The following M1AP variants were observed in gnomAD, a reference collection of about 807,000 sequenced individuals.
M1AP encodes meiosis 1 arrest protein.
A neutral mutation model predicts 51.2 loss-of-function variants in M1AP; 39 were observed. That is an observed-to-expected ratio of 0.76 (90% CI 0.59 to 1.00). M1AP has a LOEUF of 1.00. M1AP is among the 50% of genes least tolerant of loss of function. The pLI is 0.00. For synonymous variants in M1AP, 251 were observed against 249.2 expected (o/e 1.01, Z -0.07); for missense variants, 545 against 641.2 (o/e 0.85, Z 1.62).
chr2:74,561,121 GAGGAGA>G (rs1677924468), intron 8 of M1AP, among the ~76,000 whole-genome samples: 11 of 102,834 alleles, frequency 1.1e-4, no homozygotes, highest in African/African-American at 2.9e-4. Flanking sequence ...GAAGGAGGAG[GAGGAGA>G]AGGAGGAGGA....
chr2:74,558,965 C>G, intron 10 of M1AP, 91 bp from the exon 11 acceptor site: 1 of 1,276,816 alleles, frequency 7.8e-7, no homozygotes, highest in Non-Finnish European at 1.0e-6. Context: ...CTAACTCTTT[C>G]CTAAGTTCAT....
intron 2 of M1AP, among the ~76,000 whole-genome samples, chr2:74,635,792 T>C (rs1682959071): frequency 6.6e-6 from 1 of 152,250 alleles, no homozygotes; most frequent in East Asian, 1.9e-4. Context: ...AATTTTTCTG[T>C]TATGTTTCTG....
At chr2:74,618,968 A>G (rs746600819) in intron 2 of M1AP, 11 of 534,732 alleles carry the variant, frequency 2.1e-5, no homozygotes, top group African/African-American at 5.8e-5. Context: ...GTCTTCATCT[A>G]TAGCAGAACC....
In M1AP at chr2:74,591,520, G is replaced by A. The variant is rs187235395; in HGVS notation, c.596-9673C>T. Among the ~76,000 whole-genome samples, 6 of 152,294 alleles carry A rather than the reference G, an allele frequency of 3.9e-5. No individual in the cohort carries two copies. The East Asian group carries it at 9.6e-4, about 24-fold the overall frequency. On this transcript the variant is annotated intron_variant, in intron 4 of 10. Coordinates refer to ENST00000421985, the MANE Select transcript of M1AP (RefSeq NM_001321739.2). ...GAAATATTGTCATAGGCACTGTGGT[G>A]GGGGAGGGAGCAGGGGAATGGGTTA...
chr2:74,562,026 C>G, intron 8 of M1AP, 191 bp downstream of exon 8: 3 of 985,396 alleles, frequency 3.0e-6, no homozygotes, highest in Non-Finnish European at 3.6e-6. Flanking sequence ...ACTCCTTACC[C>G]TGCTGCCATA....
At chr2:74,641,068 T>G (rs953631121) in intron 1 of M1AP, among the ~76,000 whole-genome samples, 7 of 152,160 alleles carry the variant, frequency 4.6e-5, no homozygotes, top group African/African-American at 1.7e-4. Context: ...GAATAATTCT[T>G]AAAAATGAAA....
intron 7 of M1AP, among the ~76,000 whole-genome samples, chr2:74,566,176 A>G (rs535214589): frequency 6.6e-6 from 1 of 152,328 alleles, no homozygotes; most frequent in South Asian, 2.1e-4. Flanking sequence ...GCACCCATGA[A>G]GATATTGCGT....
At chr2:74,611,594 T>G (rs1473995210) in intron 3 of M1AP, among the ~76,000 whole-genome samples, 4 of 152,166 alleles carry the variant, frequency 2.6e-5, no homozygotes, top group Non-Finnish European at 4.4e-5. Flanking sequence ...TTTGTGATTT[T>G]GTTTATCCTT....
At chr2:74,612,525 T>C (rs1681427620) in intron 3 of M1AP, among the ~76,000 whole-genome samples, 2 of 152,216 alleles carry the variant, frequency 1.3e-5, no homozygotes, top group Admixed American at 6.5e-5. Context: ...ATTTTTATTC[T>C]GATCATTACT....
intron 1 of M1AP, 84 bp downstream of exon 1, chr2:74,648,181 C>T (rs1012165549): frequency 3.1e-6 from 3 of 960,354 alleles, no homozygotes; most frequent in African/African-American, 3.5e-5. Context: ...CTGGCCCGAG[C>T]TCGGCCCACG....
At chr2:74,600,740 ATAT>A (rs1216945343) in intron 4 of M1AP, among the ~76,000 whole-genome samples, 2 of 152,208 alleles carry the variant, frequency 1.3e-5, no homozygotes, top group African/African-American at 2.4e-5. Context: ...AAGTTTTATA[ATAT>A]TATGTTACAT....
intron 1 of M1AP, among the ~76,000 whole-genome samples, chr2:74,644,537 CA>C (rs60145444): frequency 0.049 from 4,021 of 82,904 alleles, 107 homozygotes; most frequent in African/African-American, 0.12. Flanking sequence ...GACCCCGTCT[CA>C]AAAAAAAAAA....
intron 2 of M1AP, among the ~76,000 whole-genome samples, chr2:74,624,743 T>C (rs929499457): frequency 7.2e-5 from 11 of 152,326 alleles, no homozygotes; most frequent in African/African-American, 2.6e-4. Context: ...GCAATACTTT[T>C]CTGTATCTTG....
chr2:74,612,458 A>G (rs10195942), intron 3 of M1AP, among the ~76,000 whole-genome samples: 14,500 of 152,066 alleles, frequency 0.095, 1,998 homozygotes, highest in African/African-American at 0.31. Context: ...GGCCTCAAGC[A>G]ATCCTCCTGC....
At position 74,562,370 on chromosome 2, in the gene M1AP, G is replaced by A; in HGVS notation, c.1128C>T (p.Ser376=). The A allele has an allele frequency of 1.2e-6, 2 of 1,614,236 alleles. No individual in the cohort carries two copies. The highest frequency in any genetic ancestry group is 1.1e-5 in the South Asian group (1 of 91,082). Residue 376 remains serine (S), a synonymous_variant, in exon 8 of 11, where the codon AGC becomes AGT. Coordinates refer to ENST00000421985, the MANE Select transcript of M1AP (RefSeq NM_001321739.2). ...AKGEPPGPGH[S]QRIPASTFYV... ...AGAAGGTGCTGGCAGGAATTCTCTG[G>A]CTGTGTCCTGGGCCCGGTGGTTCCC...
intron 8 of M1AP, among the ~76,000 whole-genome samples, chr2:74,561,199 A>AAGGAGGAGG (rs770407711): frequency 2.9e-5 from 1 of 34,916 alleles, no homozygotes; most frequent in Admixed American, 2.9e-4. Flanking sequence ...GGAGGAGGAG[A>AAGGAGGAGG]AGGAGGAGGA....
intron 7 of M1AP, among the ~76,000 whole-genome samples, chr2:74,563,033 A>G (rs7601746): frequency 0.031 from 4,723 of 152,198 alleles, 240 homozygotes; most frequent in African/African-American, 0.11. Context: ...TTTGCTAACA[A>G]CTGGGATTAG....
chr2:74,630,452 T>G (rs918882799), intron 2 of M1AP, among the ~76,000 whole-genome samples: 3 of 152,168 alleles, frequency 2.0e-5, no homozygotes, highest in Admixed American at 2.0e-4. Flanking sequence ...AAGCCCCACA[T>G]GCATTAGCTA....
At chr2:74,573,204 G>A (rs927571021) in intron 7 of M1AP, among the ~76,000 whole-genome samples, 7 of 151,854 alleles carry the variant, frequency 4.6e-5, no homozygotes, top group African/African-American at 1.2e-4. Flanking sequence ...CTGCCACCAC[G>A]CCCAGCTAAT....
Sources: allele counts gnomAD v4.1 joint callset (sites outside exome capture counted in the v4.1 genomes callset), GRCh38; gene constraint gnomAD v4.1.1; transcripts MANE v1.5; gene names NCBI Gene and HGNC (gene_info 2026-07-23, HGNC 2026-07-21).